The following SNX24 variants were observed in gnomAD, a reference collection of about 807,000 sequenced individuals.
The protein encoded by SNX24 is sorting nexin-24.
SNX24 carries 22 observed loss-of-function variants against 28.7 expected under a neutral mutation model. The observed-to-expected ratio is 0.77, with a 90% CI of 0.55 to 1.10. The LOEUF (loss-of-function observed/expected upper bound fraction) is 1.10. SNX24 is among the 50% of genes least tolerant of loss of function. The pLI is 0.00. For missense variants in SNX24, 221 were observed against 201.1 expected (o/e 1.10, Z -0.60); for synonymous variants, 69 against 71.5 (o/e 0.96, Z 0.18).
At chr5:123,002,374 T>A (rs1251705882) in intron 6 of SNX24, among the ~76,000 whole-genome samples, 3 of 152,158 alleles carry the variant, frequency 2.0e-5, no homozygotes, top group Non-Finnish European at 2.9e-5. Flanking sequence ...CAGGCATTTT[T>A]AAAATCCCAG....
chr5:123,023,717 G>A (rs1338876227), intron 5 of SNX24: 3 of 1,176,842 alleles, frequency 2.5e-6, no homozygotes, highest in Non-Finnish European at 3.3e-6. Flanking sequence ...ACTAAAGGGT[G>A]ACGGTTTGAT....
chr5:122,889,916 A>ATT (rs35217710), intron 1 of SNX24, among the ~76,000 whole-genome samples: 7 of 139,166 alleles, frequency 5.0e-5, no homozygotes, highest in Admixed American at 7.3e-5. Flanking sequence ...CCTTGTTAGT[A>ATT]TTTTTTTTTT....
At chr5:122,953,173 C>A (rs1253896319) in intron 3 of SNX24, among the ~76,000 whole-genome samples, 1 of 151,480 alleles carries the variant, frequency 6.6e-6, no homozygotes, top group East Asian at 1.9e-4. Context: ...GGCACAATCT[C>A]AGCTCACTGT....
At chr5:123,010,757 A>G (rs1762558332), downstream of SNX24, among the ~76,000 whole-genome samples, 1 of 152,168 alleles carries the variant, frequency 6.6e-6, no homozygotes, top group East Asian at 1.9e-4. Flanking sequence ...GTAATATTTC[A>G]TCTACATACA....
chr5:123,021,109 C>CT (rs977209420), intron 5 of SNX24, among the ~76,000 whole-genome samples: 3 of 150,458 alleles, frequency 2.0e-5, no homozygotes, highest in African/African-American at 4.9e-5. Flanking sequence ...ACAGTTCCCC[C>CT]CCCGTCCCCA....
At chr5:122,923,175 T>C (rs1009966145) in intron 1 of SNX24, among the ~76,000 whole-genome samples, 2 of 151,572 alleles carry the variant, frequency 1.3e-5, no homozygotes, top group African/African-American at 4.8e-5. Flanking sequence ...TACCAAAATA[T>C]AAAAACTAAA....
chr5:123,012,338 A>G (rs943220236), downstream of SNX24, among the ~76,000 whole-genome samples: 1 of 152,236 alleles, frequency 6.6e-6, no homozygotes, highest in African/African-American at 2.4e-5. Flanking sequence ...AATGGATAAA[A>G]AGGAAATTCT....
intron 3 of SNX24, among the ~76,000 whole-genome samples, chr5:122,978,621 T>C (rs1055381142): frequency 5.9e-5 from 9 of 152,310 alleles, no homozygotes; most frequent in African/African-American, 2.2e-4. Context: ...ATCTGTGAGA[T>C]GATATAGTTT....
chr5:123,023,655 AT>A, intron 5 of SNX24: 1 of 506,086 alleles, frequency 2.0e-6, no homozygotes, highest in Admixed American at 4.5e-5. Flanking sequence ...GAGGAAGGGG[AT>A]ATATTTAAGT....
intron 1 of SNX24, among the ~76,000 whole-genome samples, chr5:122,850,874 A>C (rs868661969): frequency 1.3e-5 from 2 of 151,920 alleles, no homozygotes; most frequent in Non-Finnish European, 2.9e-5. Flanking sequence ...GAATAAGCAA[A>C]GAAGTCCCAG....
At chr5:123,004,212 C>G (rs1443265429) in intron 6 of SNX24, among the ~76,000 whole-genome samples, 1 of 152,144 alleles carries the variant, frequency 6.6e-6, no homozygotes, top group Admixed American at 6.5e-5. Flanking sequence ...TCAAATATCC[C>G]TTAGCTTTTA....
intron 2 of SNX24, among the ~76,000 whole-genome samples, 169 bp from the exon 3 acceptor site, chr5:122,945,886 A>G (rs1281897488): frequency 6.6e-6 from 1 of 152,200 alleles, no homozygotes; most frequent in Non-Finnish European, 1.5e-5. Flanking sequence ...ACCTAAATAA[A>G]GAATTGTTTG....
At chr5:122,873,972 GT>G (rs1228168581) in intron 1 of SNX24, among the ~76,000 whole-genome samples, 1 of 152,122 alleles carries the variant, frequency 6.6e-6, no homozygotes, top group Non-Finnish European at 1.5e-5. Context: ...ATTTCACCAT[GT>G]TGTCCAGCCT....
chr5:122,913,790 A>T (rs1482872549), intron 1 of SNX24, among the ~76,000 whole-genome samples: 3 of 152,144 alleles, frequency 2.0e-5, no homozygotes, highest in Admixed American at 1.3e-4. Flanking sequence ...GCGAGCCAAG[A>T]TCACACCACT....
chr5:123,006,255 C>G (rs997296980), intron 6 of SNX24, among the ~76,000 whole-genome samples: 6 of 152,198 alleles, frequency 3.9e-5, no homozygotes, highest in African/African-American at 1.4e-4. Flanking sequence ...TGATGATCTT[C>G]TATTTTACTC....
chr5:122,998,676 A>G (rs1467752871), intron 3 of SNX24, among the ~76,000 whole-genome samples: 1 of 152,212 alleles, frequency 6.6e-6, no homozygotes, highest in Non-Finnish European at 1.5e-5. Context: ...GGCAACCTGT[A>G]TAGTTACCCA....
chr5:122,967,294 G>A (rs1373108873), intron 3 of SNX24, among the ~76,000 whole-genome samples: 2 of 152,194 alleles, frequency 1.3e-5, no homozygotes, highest in East Asian at 3.8e-4. Context: ...CTAAATATGA[G>A]CTATTTTGTT....
intron 3 of SNX24, among the ~76,000 whole-genome samples, chr5:122,986,482 G>GA (rs2150160977): frequency 6.6e-6 from 1 of 152,220 alleles, no homozygotes; most frequent in African/African-American, 2.4e-5. Flanking sequence ...AAGAGTCACA[G>GA]AAAAAAGAGA....
chr5:123,023,350 A>ACTT (rs1456708811), intron 5 of SNX24: 1 of 152,264 alleles, frequency 6.6e-6, no homozygotes, highest in Non-Finnish European at 1.5e-5. Flanking sequence ...TTCTTAAAGA[A>ACTT]CTTTACATTT....
Sources: allele counts gnomAD v4.1 joint callset (sites outside exome capture counted in the v4.1 genomes callset), GRCh38; gene constraint gnomAD v4.1.1; transcripts MANE v1.5; gene names NCBI Gene and HGNC (gene_info 2026-07-23, HGNC 2026-07-21).